The following CSMD1 variants were observed in gnomAD, a reference collection of about 807,000 sequenced individuals.
The protein encoded by CSMD1 is CUB and Sushi multiple domains 1, also known as CUB and sushi domain-containing protein 1.
CSMD1 carries 213 observed loss-of-function variants against 417.5 expected under a neutral mutation model. That is an observed-to-expected ratio of 0.51 (90% CI 0.46 to 0.57). CSMD1 has a LOEUF of 0.57. CSMD1 is among the 20% of genes least tolerant of loss of function. The pLI, the probability that CSMD1 is intolerant of heterozygous loss-of-function variation, is 0.00. For synonymous variants in CSMD1, 2,862 were observed against 1,736.8 expected (o/e 1.65, Z -16.11); for missense variants, 6,923 against 4,529.7 (o/e 1.53, Z -15.17).
intron 3 of CSMD1, among the ~76,000 whole-genome samples, chr8:4,363,376 G>A (rs558943101): frequency 6.6e-6 from 1 of 152,146 alleles, no homozygotes; most frequent in Non-Finnish European, 1.5e-5. Flanking sequence ...GTGCGTGCAT[G>A]CTTTATACGT....
chr8:3,568,097 T>G, intron 10 of CSMD1, among the ~76,000 whole-genome samples: 1 of 152,242 alleles, frequency 6.6e-6, no homozygotes, highest in South Asian at 2.1e-4. Flanking sequence ...ATTTTATAAT[T>G]TCCATTATAA....
chr8:4,763,126 G>C (rs944145643), intron 1 of CSMD1, among the ~76,000 whole-genome samples: 12 of 152,164 alleles, frequency 7.9e-5, no homozygotes, highest in African/African-American at 2.9e-4. Context: ...AAGTTACAAA[G>C]ACGAAGAGGT....
At chr8:4,305,138 C>A (rs555473617) in intron 3 of CSMD1, among the ~76,000 whole-genome samples, 1 of 152,304 alleles carries the variant, frequency 6.6e-6, no homozygotes, top group South Asian at 2.1e-4. Context: ...CGGATACATG[C>A]ATTGGTATCT....
chr8:4,125,741 T>C (rs1452796481), intron 3 of CSMD1, among the ~76,000 whole-genome samples: 1 of 152,160 alleles, frequency 6.6e-6, no homozygotes. Flanking sequence ...AGTTTGACTC[T>C]GAAACAAAAT....
intron 1 of CSMD1, among the ~76,000 whole-genome samples, chr8:4,788,902 G>T (rs1466467812): frequency 6.6e-6 from 1 of 152,170 alleles, no homozygotes; most frequent in South Asian, 2.1e-4. Flanking sequence ...GTGTTTTCAG[G>T]TGTTGGAGGT....
At chr8:4,432,091 T>C (rs957305413) in intron 2 of CSMD1, among the ~76,000 whole-genome samples, 4 of 152,174 alleles carry the variant, frequency 2.6e-5, no homozygotes, top group African/African-American at 9.6e-5. Flanking sequence ...TACAGAAATA[T>C]TGGCTATTGA....
chr8:3,520,746 A>C (rs1252082688), intron 10 of CSMD1, among the ~76,000 whole-genome samples: 1 of 151,952 alleles, frequency 6.6e-6, no homozygotes, highest in Non-Finnish European at 1.5e-5. Context: ...TATATCCTAC[A>C]ATGACACTTG....
chr8:4,673,572 C>T (rs947030683), intron 1 of CSMD1, among the ~76,000 whole-genome samples: 2 of 152,106 alleles, frequency 1.3e-5, no homozygotes, highest in African/African-American at 4.8e-5. Flanking sequence ...TACTTTCTAC[C>T]TTGTGCTTGG....
chr8:3,765,185 C>T (rs895939902), intron 5 of CSMD1, among the ~76,000 whole-genome samples: 1 of 152,116 alleles, frequency 6.6e-6, no homozygotes, highest in Non-Finnish European at 1.5e-5. Flanking sequence ...CTTTCGTGAA[C>T]CTTGTGTTCT....
intron 3 of CSMD1, among the ~76,000 whole-genome samples, chr8:4,332,898 A>C (rs952007101): frequency 5.9e-5 from 9 of 151,592 alleles, no homozygotes; most frequent in African/African-American, 2.2e-4. Context: ...CAACACAATG[A>C]CTTGAAAAGG....
chr8:3,302,916 G>A (rs994424991), intron 25 of CSMD1, among the ~76,000 whole-genome samples: 2 of 152,250 alleles, frequency 1.3e-5, no homozygotes, highest in East Asian at 3.9e-4. Flanking sequence ...TCTTTCCTCT[G>A]ACTCAGGCTC....
intron 65 of CSMD1, 139 bp downstream of exon 65, chr8:2,954,085 G>C: frequency 2.2e-6 from 1 of 447,036 alleles, no homozygotes. Context: ...TAAGCTTGGT[G>C]TTTTAAATAA....
rs767812787 is a variant in CSMD1, at chr8:4,529,873, G to GTT, written c.302+107467_302+107468dup. ...GGTTGCTGCCCATGCTGCTGCCATT[G>GTT]TTTTTTTTTTTTAAATTTATTTAAT... On this transcript the variant is annotated intron_variant, in intron 2 of 69. Transcript: ENST00000635120. Among the ~76,000 whole-genome samples, 1,260 of 136,066 alleles carry GTT rather than the reference G, an allele frequency of 9.3e-3. 22 individuals carry two copies. Among genetic ancestry groups the GTT allele is most frequent in the Admixed American group, 0.044 (624 of 14,078 alleles). The allele number at this position is 136,066 out of a possible 152,430, so 89.3% of individuals were successfully genotyped here. A position where few individuals can be genotyped will look rare whatever the true frequency, so the allele number is the denominator to read the frequency against.
At chr8:3,198,436 A>C (rs574186812) in intron 33 of CSMD1, among the ~76,000 whole-genome samples, 1 of 152,274 alleles carries the variant, frequency 6.6e-6, no homozygotes, top group African/African-American at 2.4e-5. Context: ...TCAACAGGCC[A>C]CTCTCTAATA....
intron 7 of CSMD1, among the ~76,000 whole-genome samples, chr8:3,706,349 T>C (rs1463033843): frequency 1.3e-5 from 2 of 152,258 alleles, no homozygotes; most frequent in Non-Finnish European, 1.5e-5. Context: ...TCAAACCCTA[T>C]GTCCTTTCAT....
At chr8:4,180,335 C>A (rs893614340) in intron 3 of CSMD1, among the ~76,000 whole-genome samples, 2 of 149,102 alleles carry the variant, frequency 1.3e-5, no homozygotes, top group Non-Finnish European at 1.5e-5. Context: ...GGACAAAAAA[C>A]CAAACAATGC....
At chr8:3,976,206 A>T (rs1399774733) in intron 5 of CSMD1, among the ~76,000 whole-genome samples, 1 of 152,150 alleles carries the variant, frequency 6.6e-6, no homozygotes, top group African/African-American at 2.4e-5. Flanking sequence ...AAAATGACAT[A>T]TGTACTGGTT....
chr8:3,210,447 A>G (rs1025038548), intron 30 of CSMD1, among the ~76,000 whole-genome samples: 2 of 149,524 alleles, frequency 1.3e-5, no homozygotes, highest in African/African-American at 4.9e-5. Flanking sequence ...ATATACATAT[A>G]TATGACCTAT....
chr8:4,358,172 T>G (rs1252803924), intron 3 of CSMD1, among the ~76,000 whole-genome samples: 4 of 152,198 alleles, frequency 2.6e-5, no homozygotes, highest in African/African-American at 9.7e-5. Context: ...TATGATGACG[T>G]TCACTTTATT....
Sources: allele counts gnomAD v4.1 joint callset (sites outside exome capture counted in the v4.1 genomes callset), GRCh38; gene constraint gnomAD v4.1.1; transcripts MANE v1.5; gene names NCBI Gene and HGNC (gene_info 2026-07-23, HGNC 2026-07-21).